Variants in TRDN observed in about 807,000 individuals in gnomAD.
TRDN encodes triadin in skeletal muscle.
Under a neutral mutation model 149.7 loss-of-function variants are expected in TRDN, and 161 were observed. The ratio of observed to expected loss-of-function variants is 1.08; its 90% CI spans 0.95 to 1.23. The LOEUF (loss-of-function observed/expected upper bound fraction) is 1.23. Among genes scored for constraint, TRDN ranks in the 50% most tolerant of loss-of-function variants. The pLI, the probability that TRDN is intolerant of heterozygous loss-of-function variation, is 0.00. For missense variants in TRDN, 896 were observed against 823.5 expected, an observed-to-expected ratio of 1.09 and a Z score of -1.08; for synonymous variants, 294 against 250.5, an observed-to-expected ratio of 1.17 and a Z score of -1.64.
intron 1 of TRDN, among the ~76,000 whole-genome samples, chr6:123,602,044 T>G (rs993459392): frequency 1.3e-5 from 2 of 152,130 alleles, no homozygotes; most frequent in African/African-American, 4.8e-5. Context: ...ACCTAATGAA[T>G]GGTAACTATA....
Position 123,399,705 on chromosome 6 carries a change from T to A in TRDN, c.1052-6028A>T, listed in dbSNP as rs187860863. ...CTTTCTACCTTCTATAGCAACTTTC[T>A]AAAATCAGTGATTATGAACACAGAT... On this transcript the variant is annotated intron_variant, in intron 12 of 40. Coordinates refer to ENST00000334268, the MANE Select transcript of TRDN (RefSeq NM_006073.4). 3.8e-3 allele frequency among the ~76,000 whole-genome samples: 583 copies of A among 152,324 alleles called. 16 individuals carry two copies. The highest frequency in any genetic ancestry group is 0.034 in the Admixed American group (515 of 15,294).
At chr6:123,560,662 G>C (rs560433042) in intron 2 of TRDN, among the ~76,000 whole-genome samples, 1 of 152,180 alleles carries the variant, frequency 6.6e-6, no homozygotes, top group African/African-American at 2.4e-5. Flanking sequence ...TCTATCCCTC[G>C]TGCAGATTTT....
chr6:123,497,251 A>G lies in TRDN; in HGVS notation c.795T>C (p.Asp265=), dbSNP rs1476684874. ...KAAVSKHEQK[D]QYAFCRYMID... ...TCATATATCGACAGAATGCATACTGATCTGACAGAGTAGAAAGAAAAAGAG... is the reference window on the plus strand; with the variant it reads ...TCATATATCGACAGAATGCATACTGGTCTGACAGAGTAGAAAGAAAAAGAG... Residue 265 remains aspartate, a splice_region_variant and synonymous_variant, in exon 9 of 41, where the codon GAT becomes GAC. Coordinates refer to ENST00000334268, the MANE Select transcript of TRDN (RefSeq NM_006073.4). 6.5e-7 allele frequency: 1 copy of G among 1,531,708 alleles called. No individual in the cohort carries two copies. Among genetic ancestry groups the G allele is most frequent in the Non-Finnish European group, 8.8e-7 (1 of 1,142,344 alleles). The allele number at this position is 1,531,708 out of a possible 1,614,324, so 94.9% of individuals were successfully genotyped here. A position where few individuals can be genotyped will look rare whatever the true frequency, so the allele number is the denominator to read the frequency against.
intron 1 of TRDN, among the ~76,000 whole-genome samples, chr6:123,616,359 G>A (rs1017716475): frequency 3.3e-5 from 5 of 149,908 alleles, no homozygotes; most frequent in Admixed American, 2.0e-4. Flanking sequence ...CATAATATAC[G>A]TTATACTTTA....
intron 24 of TRDN, among the ~76,000 whole-genome samples, chr6:123,303,026 A>C (rs966388885): frequency 6.6e-6 from 1 of 152,106 alleles, no homozygotes; most frequent in African/African-American, 2.4e-5. Flanking sequence ...ACATTGCTAA[A>C]TTTTTACAAT....
chr6:123,240,468 G>GT (rs762602173), intron 38 of TRDN, among the ~76,000 whole-genome samples: 21 of 149,238 alleles, frequency 1.4e-4, no homozygotes, highest in Non-Finnish European at 2.4e-4. Context: ...CTGAAACAAC[G>GT]TAAAAAAAAA....
At chr6:123,398,630 T>C (rs909171465) in intron 12 of TRDN, among the ~76,000 whole-genome samples, 1 of 152,198 alleles carries the variant, frequency 6.6e-6, no homozygotes, top group Non-Finnish European at 1.5e-5. Context: ...AGTTGCTACA[T>C]ACTTGAAAGC....
At chr6:123,328,836 G>A (rs1779560690) in intron 23 of TRDN, among the ~76,000 whole-genome samples, 1 of 152,110 alleles carries the variant, frequency 6.6e-6, no homozygotes. Context: ...TTATTCCAAT[G>A]AACGTTATTG....
intron 10 of TRDN, chr6:123,462,221 A>T (rs1390366299): frequency 6.6e-6 from 1 of 152,206 alleles, no homozygotes; most frequent in Non-Finnish European, 1.5e-5. Flanking sequence ...AAAAAATTCA[A>T]AGTAATAAAA....
At chr6:123,620,792 A>G (rs1197540639) in intron 1 of TRDN, among the ~76,000 whole-genome samples, 3 of 152,190 alleles carry the variant, frequency 2.0e-5, no homozygotes, top group Non-Finnish European at 1.5e-5. Flanking sequence ...CAGGAAGAAT[A>G]GAAGTGGAAA....
chr6:123,362,745 T>C (rs564164277), intron 20 of TRDN, among the ~76,000 whole-genome samples: 1 of 152,296 alleles, frequency 6.6e-6, no homozygotes, highest in South Asian at 2.1e-4. Flanking sequence ...AAAACTTTCA[T>C]TGACAGTAAA....
intron 1 of TRDN, among the ~76,000 whole-genome samples, chr6:123,597,221 G>C (rs1784078558): frequency 6.6e-6 from 1 of 152,022 alleles, no homozygotes; most frequent in Non-Finnish European, 1.5e-5. Context: ...TTCCGTGGAG[G>C]AAACAACTGC....
Position 123,303,268 on chromosome 6 carries a change from CA to C in TRDN, c.1510+13188del, listed in dbSNP as rs139371450. 3.1e-3 allele frequency among the ~76,000 whole-genome samples: 475 copies of C among 152,060 alleles called. 3 individuals carry two copies. The highest frequency in any genetic ancestry group is 0.011 in the African/African-American group (443 of 41,500). On this transcript the variant is annotated intron_variant, in intron 24 of 40. Transcript: ENST00000334268. Reference sequence around the variant, plus strand: ...TATATCATAAAGTCAAGAAACATGTCAAAAACAGATTTTAAAAAAATTATTA... The same window carrying C: ...TATATCATAAAGTCAAGAAACATGTCAAAACAGATTTTAAAAAAATTATTA...
chr6:123,246,462 C>T (rs1582770576), intron 38 of TRDN, among the ~76,000 whole-genome samples: 1 of 152,092 alleles, frequency 6.6e-6, no homozygotes, highest in African/African-American at 2.4e-5. Flanking sequence ...CACTTCTATG[C>T]AAATAAACTA....
intron 24 of TRDN, among the ~76,000 whole-genome samples, chr6:123,284,003 T>TATATATATA (rs397739336): frequency 8.2e-6 from 1 of 121,942 alleles, no homozygotes; most frequent in Non-Finnish European, 1.7e-5. Context: ...TATATATATA[T>TATATATATA]GTAACAAACC....
At chr6:123,602,338 A>G (rs958916079) in intron 1 of TRDN, among the ~76,000 whole-genome samples, 2 of 152,174 alleles carry the variant, frequency 1.3e-5, no homozygotes, top group East Asian at 3.9e-4. Flanking sequence ...TGGAAAACCA[A>G]ATATCATATG....
At position 123,464,985 on chromosome 6, in the gene TRDN, T is replaced by A. The variant is rs1178418888; in HGVS notation, c.854-2A>T. ...GAGGTGGAATGGCTGGGCTTTGTCC[T>A]ACACAATGTAGAAGTAGGAATTGGA... On this transcript the variant is annotated splice_acceptor_variant, in intron 9 of 40. Coordinates refer to ENST00000334268, the MANE Select transcript of TRDN (RefSeq NM_006073.4). LOFTEE classifies it high-confidence loss of function. 5.0e-6 allele frequency: 8 copies of A among 1,585,142 alleles called. No homozygotes were observed. The highest frequency in any genetic ancestry group is 6.9e-6 in the Non-Finnish European group (8 of 1,165,114).
chr6:123,467,235 A>G (rs1220574455), intron 9 of TRDN, among the ~76,000 whole-genome samples: 1 of 151,692 alleles, frequency 6.6e-6, no homozygotes, highest in Non-Finnish European at 1.5e-5. Context: ...GAAAGAGAGT[A>G]GGTTAACAGC....
intron 30 of TRDN, among the ~76,000 whole-genome samples, chr6:123,270,668 A>G (rs192206250): frequency 1.6e-4 from 24 of 151,970 alleles, no homozygotes; most frequent in African/African-American, 5.5e-4. Flanking sequence ...TTAATATTTT[A>G]TGTTCTGTTG....
Sources: gnomAD v4.1 joint callset for allele counts (sites outside exome capture counted in the v4.1 genomes callset) on GRCh38, gnomAD v4.1.1 for gene constraint, MANE v1.5 for transcripts, NCBI Gene and HGNC (gene_info 2026-07-23, HGNC 2026-07-21) for gene names.